The following CATSPERG variants were observed in gnomAD, a reference collection of about 807,000 sequenced individuals.
The protein encoded by CATSPERG is catsper channel auxiliary subunit gamma.
CATSPERG carries 115 observed loss-of-function variants against 145.0 expected under a neutral mutation model. That is an observed-to-expected ratio of 0.79 (90% CI 0.68 to 0.93). The LOEUF is 0.93. Ranked by LOEUF, CATSPERG falls within the 40% of genes least tolerant of loss-of-function variation. CATSPERG has a pLI of 0.00. For synonymous variants in CATSPERG, 588 were observed against 589.0 expected (o/e 1.00, Z 0.02); for missense variants, 1,296 against 1,490.1 (o/e 0.87, Z 2.14).
At position 38,361,688 on chromosome 19, in the gene CATSPERG, T is replaced by C; in HGVS notation, c.1921T>C (p.Ser641Pro). The change falls in exon 17 of 29, where the codon TCG becomes CCG. Residue 641 changes from serine to proline, a missense_variant. Ser to Pro is a moderately conservative substitution (Grantham distance 74). Coordinates refer to ENST00000409235, the MANE Select transcript of CATSPERG (RefSeq NM_021185.5). ...MLSFIDFCPF[S>P]VMRLRSLPSP... ...CTCCTTCATCGACTTCTGCCCCTTC[T>C]CGGTGATGCGCCTGCGGAGCCTGCC... 1 of 1,612,122 alleles carries C rather than the reference T, an allele frequency of 6.2e-7. No homozygotes were observed.
Position 38,357,056 on chromosome 19 carries a change from A to C in CATSPERG, c.1315+195A>C, listed in dbSNP as rs556502983. ...TGAAAGGGCCCTGTGGCTCACAATAAAGAGATTTTATTTTACCTGCAGTGA... is the reference window on the plus strand; with the variant it reads ...TGAAAGGGCCCTGTGGCTCACAATACAGAGATTTTATTTTACCTGCAGTGA... On this transcript the variant is annotated intron_variant, in intron 11 of 28. Transcript: ENST00000409235. Among the ~76,000 whole-genome samples the C allele has an allele frequency of 5.8e-4, 89 of 152,270 alleles. 1 individual carries two copies. In the South Asian group the frequency reaches 0.018, roughly 31 times the overall value.
At chr19:38,339,150 T>C (rs1216156889) in intron 3 of CATSPERG, among the ~76,000 whole-genome samples, 2 of 152,176 alleles carry the variant, frequency 1.3e-5, no homozygotes, top group Non-Finnish European at 2.9e-5. Flanking sequence ...AAGGGCACAT[T>C]GCATTAAGCA....
At chr19:38,359,988 A>T in intron 14 of CATSPERG, 1 of 1,038,080 alleles carries the variant, frequency 9.6e-7, no homozygotes, top group Non-Finnish European at 1.2e-6. Flanking sequence ...TTCATGGGGG[A>T]GACCACATGG....
chr19:38,352,542 C>T, intron 8 of CATSPERG, 110 bp downstream of exon 8: 1 of 1,021,790 alleles, frequency 9.8e-7, no homozygotes, highest in Non-Finnish European at 1.4e-6. Context: ...GGGGAAGGAA[C>T]TTGCCAAGGC....
At chr19:38,352,676 A>G (rs2145085061) in intron 8 of CATSPERG, among the ~76,000 whole-genome samples, 1 of 135,054 alleles carries the variant, frequency 7.4e-6, no homozygotes, top group Non-Finnish European at 1.5e-5. Flanking sequence ...CTGTGAGAAG[A>G]GGGGGTGCGA....
intron 1 of CATSPERG, chr19:38,336,558 A>G: frequency 3.2e-6 from 1 of 308,684 alleles, no homozygotes; most frequent in Non-Finnish European, 6.4e-6. Context: ...CGGGGCCCGG[A>G]GACGGGCGAG....
chr19:38,350,256 T>C (rs2270095), intron 7 of CATSPERG, among the ~76,000 whole-genome samples: 45,203 of 152,126 alleles, frequency 0.3, 7,301 homozygotes, highest in East Asian at 0.59. Context: ...TTGAGAGCTT[T>C]ACTAGCCATC....
In CATSPERG at chr19:38,353,534, GAAA is replaced by G. The variant is rs200363293; in HGVS notation, c.997+1104_997+1106del. 1.3e-3 allele frequency among the ~76,000 whole-genome samples: 187 copies of G among 145,506 alleles called. 1 individual carries two copies. The East Asian group carries it at 0.033, about 26-fold the overall frequency. On this transcript the variant is annotated intron_variant, in intron 8 of 28. Transcript: ENST00000409235. Reference sequence around the variant, plus strand: ...AAACCCCGTCTCTACTAAAAATACAGAAAATTAGCAAAATTAGCTGGGCGTGGT... The same window carrying G: ...AAACCCCGTCTCTACTAAAAATACAGATTAGCAAAATTAGCTGGGCGTGGT...
intron 2 of CATSPERG, 38 bp downstream of exon 2, chr19:38,337,542 G>GA: frequency 1.3e-6 from 2 of 1,551,886 alleles, no homozygotes; most frequent in Non-Finnish European, 1.7e-6. Context: ...GAGGGATTTT[G>GA]AACCCGCACT....
At chr19:38,349,322 G>A (rs1235188900) in intron 7 of CATSPERG, 1 of 152,040 alleles carries the variant, frequency 6.6e-6, no homozygotes, top group African/African-American at 2.4e-5. Context: ...GGTAAAGATG[G>A]GGTTTTGCCA....
At chr19:38,356,213 T>C (rs959090642) in intron 9 of CATSPERG, among the ~76,000 whole-genome samples, 1 of 152,120 alleles carries the variant, frequency 6.6e-6, no homozygotes, top group African/African-American at 2.4e-5. Flanking sequence ...ACAGCATCTT[T>C]CCCATTAATT....
At chr19:38,369,149 G>T (rs1970504351) in intron 26 of CATSPERG, among the ~76,000 whole-genome samples, 2 of 152,094 alleles carry the variant, frequency 1.3e-5, no homozygotes, top group Admixed American at 6.6e-5. Context: ...CATATATAGG[G>T]GCTCAGTAAG....
Position 38,367,542 on chromosome 19 carries a change from T to G in CATSPERG, c.2804T>G (p.Val935Gly). Residue 935 changes from valine (V) to glycine (G), a missense_variant, in exon 24 of 29, where the codon GTG becomes GGG. By Grantham distance (109) the Val-to-Gly change is moderately radical. Transcript: ENST00000409235. ...FYPFFLIQDL[V>G]TGDSGSFQGS... ...CCCTTCTTCTTGATTCAAGATTTGG[T>G]GACAGGAGACTCCGGCAGTTTCCAG... 1 of 1,614,076 alleles carries G rather than the reference T, an allele frequency of 6.2e-7. No individual in the cohort carries two copies. Among genetic ancestry groups the G allele is most frequent in the Non-Finnish European group, 8.5e-7 (1 of 1,180,022 alleles).
chr19:38,368,270 T>C (rs1970490272), intron 26 of CATSPERG, 133 bp downstream of exon 26: 1 of 738,496 alleles, frequency 1.4e-6, no homozygotes, highest in Non-Finnish European at 2.3e-6. Flanking sequence ...TAAATGGGGC[T>C]GAACTTTGCA....
intron 11 of CATSPERG, among the ~76,000 whole-genome samples, chr19:38,357,352 T>TA (rs71165536): frequency 1.7e-5 from 2 of 115,436 alleles, no homozygotes; most frequent in African/African-American, 6.7e-5. Flanking sequence ...CTCTACAAAT[T>TA]AAAAAAAAAA....
chr19:38,358,267 C>A lies in CATSPERG; in HGVS notation c.1316-11C>A. ...CCTCAGGAGATTTTGCTGTGTTCTC[C>A]CCACCTGTAGCTAGTGATGACCTGG... On this transcript the variant is annotated splice_polypyrimidine_tract_variant and intron_variant, in intron 11 of 28. Coordinates refer to ENST00000409235, the MANE Select transcript of CATSPERG (RefSeq NM_021185.5). 6.2e-7 allele frequency: 1 copy of A among 1,614,090 alleles called. No homozygotes were observed. Among genetic ancestry groups the A allele is most frequent in the Non-Finnish European group, 8.5e-7 (1 of 1,179,968 alleles).
At position 38,359,489 on chromosome 19, in the gene CATSPERG, A is replaced by G; in HGVS notation, c.1516A>G (p.Ile506Val). 1 of 1,613,530 alleles carries G rather than the reference A, an allele frequency of 6.2e-7. No individual in the cohort carries two copies. The highest frequency in any genetic ancestry group is 1.1e-5 in the South Asian group (1 of 91,070). The change falls in exon 14 of 29, where the codon ATC (isoleucine) becomes GTC (valine). Residue 506 changes from isoleucine to valine, a missense_variant. Ile to Val is a conservative substitution (Grantham distance 29). Coordinates refer to ENST00000409235, the MANE Select transcript of CATSPERG (RefSeq NM_021185.5). ...LLQSSNKENFIYLADFPKELS... is the reference protein window; with the variant it reads ...LLQSSNKENFVYLADFPKELS... ...CTGCAGCTCTAACAAGGAAAACTTC[A>G]TCTACCTGGCAGACTTCCCCAAGGA...
intron 13 of CATSPERG, 38 bp downstream of exon 13, chr19:38,358,599 C>CT (rs753217248): frequency 1.9e-6 from 3 of 1,613,312 alleles, no homozygotes; most frequent in East Asian, 2.2e-5. Context: ...CAGGCATACT[C>CT]TGTCTCCCCA....
intron 12 of CATSPERG, 52 bp downstream of exon 12, chr19:38,358,380 C>A (rs777538631): frequency 3.8e-5 from 62 of 1,613,898 alleles, no homozygotes; most frequent in Admixed American, 1.5e-4. Flanking sequence ...CCAGGAGGGG[C>A]CCAGGTGACT....
Sources: allele counts gnomAD v4.1 joint callset (sites outside exome capture counted in the v4.1 genomes callset), GRCh38; gene constraint gnomAD v4.1.1; transcripts MANE v1.5; gene names NCBI Gene and HGNC (gene_info 2026-07-23, HGNC 2026-07-21).